Variants in TNRC6B observed in about 807,000 individuals in gnomAD.
TNRC6B encodes the protein trinucleotide repeat containing adaptor 6B.
In TNRC6B, 52 loss-of-function variants were observed where a neutral mutation model predicts 203.6. The ratio of observed to expected loss-of-function variants is 0.26; its 90% CI spans 0.20 to 0.32. The LOEUF is 0.32. TNRC6B is among the 10% of genes least tolerant of loss of function. The probability of loss-of-function intolerance (pLI) is 1.00; values close to 1 mark genes in which losing one functional copy is unlikely to be tolerated. For missense variants in TNRC6B, 1,923 were observed against 2,286.2 expected, an observed-to-expected ratio of 0.84 and a Z score of 3.24; for synonymous variants, 838 against 845.7, an observed-to-expected ratio of 0.99 and a Z score of 0.16.
chr22:40,068,368 A>C (rs1430913696), intron 1 of TNRC6B, among the ~76,000 whole-genome samples: 1 of 151,896 alleles, frequency 6.6e-6, no homozygotes, highest in Non-Finnish European at 1.5e-5. Context: ...CCCAGGCTGG[A>C]GTGCAGTGGC....
chr22:40,144,290 A>G (rs2068671391), intron 3 of TNRC6B, among the ~76,000 whole-genome samples: 1 of 152,252 alleles, frequency 6.6e-6, no homozygotes, highest in African/African-American at 2.4e-5. Context: ...AGTTTTATTT[A>G]TAGCAGCTCC....
At position 40,265,771 on chromosome 22, in the gene TNRC6B, C is replaced by G; in HGVS notation, c.1541C>G (p.Pro514Arg). The change falls in exon 5 of 23, where the codon CCG (proline) becomes CGG (arginine). Residue 514 changes from proline to arginine, a missense_variant. Around this residue, in one of 8 missense-constraint regions of TNRC6B, gnomAD observed 614 missense variants for 587.7 expected, o/e 1.04. Coordinates refer to ENST00000454349, the MANE Select transcript of TNRC6B (RefSeq NM_001162501.2). Reference protein sequence around the residue: ...SGVSQGEWKQPTGSDELKIGE... With the variant: ...SGVSQGEWKQRTGSDELKIGE... ...GTCTCTCAGGGAGAATGGAAACAGC[C>G]GACTGGGTCTGATGAGTTGAAAATT... The G allele has an allele frequency of 6.2e-7, 1 of 1,613,898 alleles. No individual in the cohort carries two copies. Among genetic ancestry groups the G allele is most frequent in the Non-Finnish European group, 8.5e-7 (1 of 1,179,870 alleles).
intron 2 of TNRC6B, among the ~76,000 whole-genome samples, chr22:40,121,540 C>T (rs947185296): frequency 2.0e-5 from 3 of 152,252 alleles, no homozygotes; most frequent in Non-Finnish European, 4.4e-5. Flanking sequence ...AAGCAGCAGC[C>T]TTCTGTACAC....
chr22:40,054,062 C>A (rs1462792475), intron 1 of TNRC6B, among the ~76,000 whole-genome samples: 4 of 152,056 alleles, frequency 2.6e-5, no homozygotes, highest in Non-Finnish European at 5.9e-5. Context: ...GCAAAAAATA[C>A]AAAAATTAGC....
chr22:40,202,625 C>T (rs2069428777), intron 1 of TNRC6B, among the ~76,000 whole-genome samples: 1 of 152,070 alleles, frequency 6.6e-6, no homozygotes, highest in African/African-American at 2.4e-5. Flanking sequence ...ACATAGCCCA[C>T]AGTGTTGGAT....
At chr22:40,278,897 C>T (rs1281388848) in intron 9 of TNRC6B, among the ~76,000 whole-genome samples, 2 of 152,200 alleles carry the variant, frequency 1.3e-5, no homozygotes, top group Non-Finnish European at 2.9e-5. Context: ...TGTGCCGCCA[C>T]GCACAGCTAA....
intron 1 of TNRC6B, among the ~76,000 whole-genome samples, chr22:40,205,185 C>A (rs994402155): frequency 6.6e-5 from 10 of 152,182 alleles, no homozygotes; most frequent in African/African-American, 2.4e-4. Flanking sequence ...TTGTCAGGAT[C>A]TTTTGTCTGT....
At chr22:40,162,368 A>T (rs1013507567) in intron 4 of TNRC6B, among the ~76,000 whole-genome samples, 24 of 152,188 alleles carry the variant, frequency 1.6e-4, no homozygotes, top group African/African-American at 5.8e-4. Context: ...TGCTGGGATT[A>T]CAGGCGTGAG....
rs1290594323 is a variant in TNRC6B at position 40,323,041 on chromosome 22, G to A, written c.5302G>A (p.Gly1768Arg). 1.2e-6 allele frequency: 2 copies of A among 1,601,020 alleles called. No individual in the cohort carries two copies. Among genetic ancestry groups the A allele is most frequent in the Non-Finnish European group, 1.7e-6 (2 of 1,173,330 alleles). ...GGGACCTGCTCTGAATCTTTTTGGT[G>A]GGTCCACTGGGCTCGGGCAGTGGAG... The part of the protein sequence containing the change: ...PVGPALNLFG[G>R]STGLGQWSSS... Residue 1768 changes from glycine to arginine, a missense_variant, in exon 23 of 23, where the codon GGG (glycine) becomes AGG (arginine). This residue lies in a region of TNRC6B where 126 missense variants were observed against 137.5 expected (regional missense o/e 0.92). Coordinates refer to ENST00000454349, the MANE Select transcript of TNRC6B (RefSeq NM_001162501.2).
chr22:40,314,969 A>G (rs923540829), intron 19 of TNRC6B, among the ~76,000 whole-genome samples: 2 of 152,222 alleles, frequency 1.3e-5, no homozygotes, highest in Non-Finnish European at 2.9e-5. Flanking sequence ...ATCTTTAGGA[A>G]GACTTTCTCC....
intron 3 of TNRC6B, among the ~76,000 whole-genome samples, chr22:40,145,727 A>T (rs1049740042): frequency 1.3e-5 from 2 of 152,240 alleles, no homozygotes; most frequent in Admixed American, 1.3e-4. Context: ...CTGTAGTCCC[A>T]GCTACTTGGG....
At chr22:40,275,393 G>A (rs1373723289) in intron 7 of TNRC6B, among the ~76,000 whole-genome samples, 1 of 152,152 alleles carries the variant, frequency 6.6e-6, no homozygotes, top group Non-Finnish European at 1.5e-5. Flanking sequence ...ATTGGGAATT[G>A]ACTCTTTCAG....
Position 40,322,970 on chromosome 22 carries a change from C to T in TNRC6B, c.5231C>T (p.Ala1744Val), listed in dbSNP as rs201313925. ...GCAGCAACCCCAAGTGCGCCAGCTG[C>T]GGGGTGGCAGTCGCTGGAGACCGGC... is the stretch of plus-strand genomic sequence containing the variant. ...TPAATPSAPA[A>V]GWQSLETGQN... Residue 1744 changes from alanine (A) to valine (V), a missense_variant, in exon 23 of 23, where the codon GCG becomes GTG. By Grantham distance (64) the Ala-to-Val change is moderately conservative. This residue lies in a region of TNRC6B where 126 missense variants were observed against 137.5 expected (regional missense o/e 0.92). Coordinates refer to ENST00000454349, the MANE Select transcript of TNRC6B (RefSeq NM_001162501.2). 22 of 1,612,386 alleles carry T rather than the reference C, an allele frequency of 1.4e-5. No homozygotes were observed. Among genetic ancestry groups the T allele is most frequent in the South Asian group, 1.3e-4 (12 of 90,758 alleles).
intron 12 of TNRC6B, among the ~76,000 whole-genome samples, chr22:40,290,172 G>A (rs1257894062): frequency 3.9e-5 from 6 of 152,184 alleles, no homozygotes; most frequent in Admixed American, 1.3e-4. Flanking sequence ...TGTGATAGCC[G>A]TCAGCCACAT....
rs2071395336 is a variant in TNRC6B at position 40,325,867 on chromosome 22, A to C, written c.*2626A>C. ...GCCTGTTGGTTCCTTGACCTGCACT[A>C]TGGGTTAGTTGAGTTCCTTACGATA... On this transcript the variant is annotated 3_prime_UTR_variant, in exon 23 of 23. Coordinates refer to ENST00000454349, the MANE Select transcript of TNRC6B (RefSeq NM_001162501.2). The C allele has an allele frequency of 6.6e-6, 1 of 152,632 alleles. No individual in the cohort carries two copies. Among genetic ancestry groups the C allele is most frequent in the African/African-American group, 2.4e-5 (1 of 41,408 alleles). The allele number at this position is 152,632 out of a possible 1,614,324, so 9.5% of individuals were successfully genotyped here.
At chr22:40,318,941 G>A (rs1015558423) in intron 21 of TNRC6B, among the ~76,000 whole-genome samples, 3 of 152,034 alleles carry the variant, frequency 2.0e-5, no homozygotes, top group Non-Finnish European at 4.4e-5. Context: ...TATGGTGGTG[G>A]GTGTCTGTAG....
chr22:40,153,549 GAAAAA>G (rs35636391), intron 3 of TNRC6B, among the ~76,000 whole-genome samples: 1 of 145,600 alleles, frequency 6.9e-6, no homozygotes, highest in Non-Finnish European at 1.5e-5. Context: ...TACTAAGCTA[GAAAAA>G]AAAAAACAAA....
At chr22:40,062,983 T>C (rs2067866777) in intron 1 of TNRC6B, among the ~76,000 whole-genome samples, 1 of 152,182 alleles carries the variant, frequency 6.6e-6, no homozygotes, top group Admixed American at 6.5e-5. Context: ...TTGGCATATC[T>C]ATGTAGACTT....
intron 2 of TNRC6B, among the ~76,000 whole-genome samples, chr22:40,247,898 G>T (rs1044456068): frequency 6.6e-6 from 1 of 151,946 alleles, no homozygotes; most frequent in African/African-American, 2.4e-5. Flanking sequence ...TGAAAACCCC[G>T]TCTCTACCAA....
Sources: gnomAD v4.1 joint callset for allele counts (sites outside exome capture counted in the v4.1 genomes callset) on GRCh38, gnomAD v4.1.1 for gene constraint, gnomAD v4.1.1 regional missense constraint, MANE v1.5 for transcripts, NCBI Gene and HGNC (gene_info 2026-07-23, HGNC 2026-07-21) for gene names.